Variants in COBLL1 observed in about 807,000 individuals in gnomAD.
The protein encoded by COBLL1 is cordon-bleu WH2 repeat protein like 1.
A neutral mutation model predicts 94.8 loss-of-function variants in COBLL1; 50 were observed. The observed-to-expected ratio is 0.53, with a 90% CI of 0.42 to 0.67. COBLL1 has a LOEUF of 0.67. Among genes scored for constraint, COBLL1 ranks in the 30% least tolerant of loss-of-function variants. The pLI is 0.00. For synonymous variants in COBLL1, 448 were observed against 473.8 expected (o/e 0.95, Z 0.71); for missense variants, 1,362 against 1,348.7 (o/e 1.01, Z -0.15).
rs2105404979 is a variant in COBLL1 at position 164,685,753 on chromosome 2, A to C, written c.*193T>G. On this transcript the variant is annotated 3_prime_UTR_variant, in exon 14 of 14. Coordinates refer to ENST00000652658, the MANE Select transcript of COBLL1 (RefSeq NM_001365672.2). Reference sequence around the variant, plus strand: ...GCATATTCAACTCTTAAGGCAAAAAAAAGATCAAAAAATTACTATAAATTA... The same window carrying C: ...GCATATTCAACTCTTAAGGCAAAAACAAGATCAAAAAATTACTATAAATTA... 1 of 390,504 alleles carries C rather than the reference A, an allele frequency of 2.6e-6. No homozygotes were observed. The highest frequency in any genetic ancestry group is 3.8e-5 in the East Asian group (1 of 26,072). The allele number at this position is 390,504 out of a possible 1,614,324, so 24.2% of individuals were successfully genotyped here. A position where few individuals can be genotyped will look rare whatever the true frequency, so the allele number is the denominator to read the frequency against.
At chr2:164,718,113 G>A (rs1008187893) in intron 7 of COBLL1, 7 of 306,802 alleles carry the variant, frequency 2.3e-5, no homozygotes, top group African/African-American at 9.1e-5. Context: ...AAAATTTTAC[G>A]ATATAAGTGT....
rs1683238927 is a variant in COBLL1 at position 164,685,661 on chromosome 2, C to T, written c.*285G>A. Reference sequence around the variant, plus strand: ...AATGTGCTGGTAAGTGAAATCAATACAAAGGAATTATTTTTCATTTGTAAA... The same window carrying T: ...AATGTGCTGGTAAGTGAAATCAATATAAAGGAATTATTTTTCATTTGTAAA... On this transcript the variant is annotated 3_prime_UTR_variant, in exon 14 of 14. Coordinates refer to ENST00000652658, the MANE Select transcript of COBLL1 (RefSeq NM_001365672.2). 1 of 238,992 alleles carries T rather than the reference C, an allele frequency of 4.2e-6. No individual in the cohort carries two copies. Among genetic ancestry groups the T allele is most frequent in the Non-Finnish European group, 7.9e-6 (1 of 126,708 alleles). The allele number at this position is 238,992 out of a possible 1,614,324, so 14.8% of individuals were successfully genotyped here.
rs760442791 is a variant in COBLL1 at position 164,695,757 on chromosome 2, A to G, written c.1635T>C (p.Asn545=). The part of the protein sequence containing the change: ...MKNGVKKTEI[N]VEGVAKNNNI... ...TGTTATTTTTGGCAACACCTTCTAC[A>G]TTGATTTCTGTTTTCTTCACTCCAT... The change falls in exon 12 of 14, where the codon AAT becomes AAC. Residue 545 remains asparagine, a synonymous_variant. Coordinates refer to ENST00000652658, the MANE Select transcript of COBLL1 (RefSeq NM_001365672.2). 6.2e-7 allele frequency: 1 copy of G among 1,613,118 alleles called. No individual in the cohort carries two copies. The highest frequency in any genetic ancestry group is 8.5e-7 in the Non-Finnish European group (1 of 1,179,652).
rs1302171507 is a variant in COBLL1, at chr2:164,682,317, C to T, written c.*3629G>A. On this transcript the variant is annotated 3_prime_UTR_variant, in exon 14 of 14. Coordinates refer to ENST00000652658, the MANE Select transcript of COBLL1 (RefSeq NM_001365672.2). ...AATTGCAAGTTCTTTTCTTTCAAGT[C>T]AGTTATCAAAATCAGTAGATTTTAA... 6.6e-6 allele frequency: 1 copy of T among 152,112 alleles called. No individual in the cohort carries two copies. The highest frequency in any genetic ancestry group is 1.5e-5 in the Non-Finnish European group (1 of 68,016). The allele number at this position is 152,112 out of a possible 1,614,324, so 9.4% of individuals were successfully genotyped here.
At chr2:164,795,252 T>A (rs1401923043) in intron 2 of COBLL1, among the ~76,000 whole-genome samples, 1 of 152,138 alleles carries the variant, frequency 6.6e-6, no homozygotes, top group African/African-American at 2.4e-5. Context: ...TAAAGGGGTA[T>A]AAACTGAAAA....
rs1364117461 is a variant in COBLL1, at chr2:164,695,280, G to A, written c.2112C>T (p.Tyr704=). Reference sequence around the variant, plus strand: ...GATTGTAGTCCTGTCTATAAAGTGGGTAATTCTTTAGGTAAGAAGCAGTGG... The same window carrying A: ...GATTGTAGTCCTGTCTATAAAGTGGATAATTCTTTAGGTAAGAAGCAGTGG... ...KNSTASYLKN[Y]PLYRQDYNPK... Residue 704 remains tyrosine (Y), a synonymous_variant, in exon 12 of 14, where the codon TAC becomes TAT. Coordinates refer to ENST00000652658, the MANE Select transcript of COBLL1 (RefSeq NM_001365672.2). 1.2e-6 allele frequency: 2 copies of A among 1,613,820 alleles called. No homozygotes were observed. The highest frequency in any genetic ancestry group is 3.3e-5 in the Admixed American group (2 of 59,978).
intron 2 of COBLL1, among the ~76,000 whole-genome samples, chr2:164,776,700 C>T (rs1688480859): frequency 6.6e-6 from 1 of 151,920 alleles, no homozygotes; most frequent in African/African-American, 2.4e-5. Flanking sequence ...GACTGGGACT[C>T]GACAAGCAAT....
downstream of COBLL1, among the ~76,000 whole-genome samples, chr2:164,678,603 A>G (rs1682905133): frequency 6.6e-6 from 1 of 152,150 alleles, no homozygotes. Flanking sequence ...GATGCATTCA[A>G]TTATGTTAAT....
intron 2 of COBLL1, among the ~76,000 whole-genome samples, chr2:164,796,705 CAAAAAAA>C (rs34412964): frequency 3.5e-5 from 3 of 86,728 alleles, no homozygotes; most frequent in African/African-American, 8.4e-5. Context: ...GCTGGCCTTC[CAAAAAAA>C]AAAAAAAAAA....
intron 2 of COBLL1, among the ~76,000 whole-genome samples, chr2:164,839,690 T>C (rs1683492512): frequency 6.6e-6 from 1 of 152,234 alleles, no homozygotes; most frequent in Non-Finnish European, 1.5e-5. Flanking sequence ...AATCCCTGAA[T>C]ACATTTCGGT....
At chr2:164,719,747 T>A (rs566066701) in intron 7 of COBLL1, among the ~76,000 whole-genome samples, 2 of 152,024 alleles carry the variant, frequency 1.3e-5, no homozygotes, top group Admixed American at 6.6e-5. Flanking sequence ...GAATCACAGG[T>A]TTTGGAAGGG....
At chr2:164,766,070 T>A (rs73015511) in intron 2 of COBLL1, among the ~76,000 whole-genome samples, 1,643 of 152,280 alleles carry the variant, frequency 0.011, 31 homozygotes, top group African/African-American at 0.038. Context: ...CTGAATGGCT[T>A]CTTCCACTGA....
chr2:164,805,297 C>G lies in COBLL1; in HGVS notation c.41+35859G>C, dbSNP rs1036609506. On this transcript the variant is annotated intron_variant, in intron 2 of 13. Transcript: ENST00000652658. ...TTATTCTCTCTGTCTGTCTCTCTCTCTCTCTCTCTCTCTCTCTCTCTCTCT... is the reference window on the plus strand; with the variant it reads ...TTATTCTCTCTGTCTGTCTCTCTCTGTCTCTCTCTCTCTCTCTCTCTCTCT... Among the ~76,000 whole-genome samples the G allele has an allele frequency of 6.0e-3, 91 of 15,150 alleles. 10 individuals are homozygous for G. Among genetic ancestry groups the G allele is most frequent in the African/African-American group, 8.2e-3 (24 of 2,944 alleles). 9.9% of individuals were successfully genotyped at this position (15,150 alleles called of 152,430 possible).
chr2:164,726,504 A>G (rs1265873215), intron 5 of COBLL1, among the ~76,000 whole-genome samples: 1 of 152,172 alleles, frequency 6.6e-6, no homozygotes, highest in Non-Finnish European at 1.5e-5. Flanking sequence ...TATTATAAAG[A>G]AAATAAATAA....
downstream of COBLL1, among the ~76,000 whole-genome samples, chr2:164,676,611 T>C (rs559859272): frequency 2.6e-5 from 4 of 152,278 alleles, no homozygotes; most frequent in East Asian, 7.7e-4. Flanking sequence ...CTTGGCCTCA[T>C]ATTTCAGTCC....
intron 2 of COBLL1, chr2:164,837,475 C>T: frequency 2.2e-6 from 1 of 465,006 alleles, no homozygotes; most frequent in Non-Finnish European, 4.5e-6. Flanking sequence ...ATTTTCCAAC[C>T]AGTGTCTCCA....
chr2:164,695,791 T>C lies in COBLL1; in HGVS notation c.1601A>G (p.Asn534Ser), dbSNP rs1278184954. 3 of 1,609,742 alleles carry C rather than the reference T, an allele frequency of 1.9e-6. No homozygotes were observed. The East Asian group carries it at 6.7e-5, about 36-fold the overall frequency. ...TGTTTTCTTCACTCCATTTTTCATATTGTCTTCTGTGTTCTCTGGATAGAC... is the reference window on the plus strand; with the variant it reads ...TGTTTTCTTCACTCCATTTTTCATACTGTCTTCTGTGTTCTCTGGATAGAC... ...IIVYPENTED[N>S]MKNGVKKTEI... Residue 534 changes from asparagine (N) to serine (S), a missense_variant, in exon 12 of 14, where the codon AAT becomes AGT. Asn to Ser is a conservative substitution (Grantham distance 46). Transcript: ENST00000652658.
rs186497315 is a variant in COBLL1, at chr2:164,775,164, A to G, written c.42-31289T>C. Among the ~76,000 whole-genome samples, 880 of 151,310 alleles carry G rather than the reference A, an allele frequency of 5.8e-3. 12 individuals carry two copies. The highest frequency in any genetic ancestry group is 0.02 in the African/African-American group (830 of 41,130). On this transcript the variant is annotated intron_variant, in intron 2 of 13. Coordinates refer to ENST00000652658, the MANE Select transcript of COBLL1 (RefSeq NM_001365672.2). ...GGAAGAGACCCTGCCTCTTAAAAAA[A>G]AAAATGCATTCATAGTTTCTACTTC...
chr2:164,670,812 G>A (rs947518030), intron 1 of COBLL1, among the ~76,000 whole-genome samples: 1 of 152,164 alleles, frequency 6.6e-6, no homozygotes, highest in African/African-American at 2.4e-5. Context: ...CTCAGAAGAG[G>A]AAAGTTTGTC....
Sources: allele counts gnomAD v4.1 joint callset (sites outside exome capture counted in the v4.1 genomes callset), GRCh38; gene constraint gnomAD v4.1.1; transcripts MANE v1.5; gene names NCBI Gene and HGNC (gene_info 2026-07-23, HGNC 2026-07-21).